Variants in LRRC9 observed in about 807,000 individuals in gnomAD.
LRRC9 encodes the protein leucine rich repeat containing 9.
LRRC9 carries 122 observed loss-of-function variants against 63.2 expected under a neutral mutation model. That is an observed-to-expected ratio of 1.93 (90% CI 1.67 to 2.24). The LOEUF (loss-of-function observed/expected upper bound fraction) is 2.24, where lower values mean the gene tolerates loss of function less well. Ranked by LOEUF, LRRC9 falls within the 30% of genes most tolerant of loss-of-function variation. The pLI is 0.00. For synonymous variants in LRRC9, 366 were observed against 213.1 expected (o/e 1.72, Z -6.25); for missense variants, 1,071 against 627.7 (o/e 1.71, Z -7.55).
rs555079705 is a variant in LRRC9, at chr14:59,958,392, C to T, written c.883-1426C>T. 4.4e-4 allele frequency among the ~76,000 whole-genome samples: 67 copies of T among 152,258 alleles called. No homozygotes were observed. In the South Asian group the frequency reaches 9.3e-3, roughly 21 times the overall value. On this transcript the variant is annotated intron_variant, in intron 8 of 31. Transcript: ENST00000445360. The surrounding 1 kb of genome is among the most constrained non-coding windows in gnomAD (Gnocchi z 4.0). ...AGTCTGACCACAGCTGCTTTGCCAC[C>T]GGGCCCAGACCTCCCAAACTCCTTA...
At chr14:59,997,957 T>C in intron 18 of LRRC9, 110 bp downstream of exon 18, 1 of 564,350 alleles carries the variant, frequency 1.8e-6, no homozygotes, top group Non-Finnish European at 3.1e-6. Context: ...ATCTTCGTTT[T>C]TCTAGACTTC....
At chr14:60,019,325 C>A in intron 26 of LRRC9, 65 bp downstream of exon 26, 1 of 609,350 alleles carries the variant, frequency 1.6e-6, no homozygotes, top group Non-Finnish European at 3.0e-6. Context: ...CAGTTAATCA[C>A]ATTAATGATA....
At chr14:59,926,227 A>T (rs1889198650) in intron 1 of LRRC9, among the ~76,000 whole-genome samples, 2 of 152,028 alleles carry the variant, frequency 1.3e-5, no homozygotes, top group Admixed American at 1.3e-4. Context: ...ATATTTAAAG[A>T]CTTCTCTCAA....
chr14:59,960,041 T>C, intron 9 of LRRC9, 27 bp downstream of exon 9: 1 of 626,244 alleles, frequency 1.6e-6, no homozygotes, highest in South Asian at 1.9e-5. Context: ...ATCTAGTTGT[T>C]CTGATCTGAA....
At chr14:59,988,493 T>G (rs1165697386) in intron 17 of LRRC9, among the ~76,000 whole-genome samples, 1 of 152,174 alleles carries the variant, frequency 6.6e-6, no homozygotes, top group African/African-American at 2.4e-5. Flanking sequence ...GAATCCTGAT[T>G]CTTAAGGATA....
intron 9 of LRRC9, 61 bp from the exon 10 acceptor site, chr14:59,960,853 A>G (rs567905674): frequency 4.0e-6 from 2 of 498,806 alleles, no homozygotes; most frequent in South Asian, 6.8e-5. Flanking sequence ...ATCTATCATA[A>G]GTTTTAATGT....
At chr14:59,985,422 A>T (rs1003163074) in intron 17 of LRRC9, among the ~76,000 whole-genome samples, 198 bp downstream of exon 17, 2 of 152,216 alleles carry the variant, frequency 1.3e-5, no homozygotes, top group Admixed American at 6.5e-5. Flanking sequence ...TGATTGTGGT[A>T]ATCATTACAC....
intron 9 of LRRC9, 78 bp from the exon 10 acceptor site, chr14:59,960,835 TA>T (rs1051180879): frequency 2.1e-5 from 10 of 484,742 alleles, no homozygotes; most frequent in African/African-American, 1.0e-4. Context: ...TAACATCAGT[TA>T]AAAAAAATCT....
intron 16 of LRRC9, among the ~76,000 whole-genome samples, chr14:59,984,316 A>C (rs946068999): frequency 2.0e-5 from 3 of 152,208 alleles, no homozygotes; most frequent in African/African-American, 7.2e-5. Flanking sequence ...TATGTCCACA[A>C]TATAAGGCAT....
intron 29 of LRRC9, among the ~76,000 whole-genome samples, chr14:60,045,051 C>CTTTTTTTTTTTTTTTTT (rs200934262): frequency 8.4e-6 from 1 of 118,916 alleles, no homozygotes; most frequent in Non-Finnish European, 1.8e-5. Flanking sequence ...CTTTCCTTGT[C>CTTTTTTTTTTTTTTTTT]TTTTTTTTTT....
rs146796213 is a variant in LRRC9 at position 59,922,109 on chromosome 14, GAAAGAAA to G, written c.-34+2235_-34+2241del. Among the ~76,000 whole-genome samples, 1,513 of 151,384 alleles carry G rather than the reference GAAAGAAA, an allele frequency of 1.0e-2. 22 individuals are homozygous for G. The highest frequency in any genetic ancestry group is 0.035 in the African/African-American group (1,430 of 41,284). Reference sequence around the variant, plus strand: ...AAAAAAAAAATAAATAAATAAATAAGAAAGAAAAAAGAAAAGAAGAAAAGCACAAAGT... The same window carrying G: ...AAAAAAAAAATAAATAAATAAATAAGAAAGAAAAGAAGAAAAGCACAAAGT... On this transcript the variant is annotated intron_variant, in intron 1 of 31. Transcript: ENST00000445360. The surrounding 1 kb of genome is among the most constrained non-coding windows in gnomAD (Gnocchi z 5.3).
chr14:59,931,861 C>T, intron 5 of LRRC9, 108 bp from the exon 6 acceptor site: 1 of 627,556 alleles, frequency 1.6e-6, no homozygotes, highest in South Asian at 1.9e-5. Context: ...ACAATGGTAC[C>T]ATTAGTCTAT....
At chr14:60,015,587 A>G (rs1445687069) in intron 23 of LRRC9, among the ~76,000 whole-genome samples, 2 of 151,930 alleles carry the variant, frequency 1.3e-5, no homozygotes, top group Non-Finnish European at 2.9e-5. Flanking sequence ...CCATTGATTT[A>G]CTCTGGCTGG....
intron 29 of LRRC9, among the ~76,000 whole-genome samples, chr14:60,041,311 G>A (rs1009865501): frequency 2.0e-5 from 3 of 152,054 alleles, no homozygotes; most frequent in Non-Finnish European, 4.4e-5. Flanking sequence ...TGCCTGCCTC[G>A]CTAGGTTGGG....
chr14:59,969,681 A>T (rs1184278453), intron 12 of LRRC9, among the ~76,000 whole-genome samples: 1 of 152,172 alleles, frequency 6.6e-6, no homozygotes, highest in Non-Finnish European at 1.5e-5. Flanking sequence ...TAGTTGGAAG[A>T]GGAAGGATCT....
chr14:60,048,936 T>A (rs1893666900), intron 29 of LRRC9, among the ~76,000 whole-genome samples: 1 of 152,170 alleles, frequency 6.6e-6, no homozygotes, highest in African/African-American at 2.4e-5. Context: ...TTATCCACCA[T>A]GATCAAGTTG....
chr14:59,943,355 C>A (rs558567776), intron 7 of LRRC9, among the ~76,000 whole-genome samples: 1 of 151,760 alleles, frequency 6.6e-6, no homozygotes, highest in South Asian at 2.1e-4. Flanking sequence ...TAGTTTCATT[C>A]TTCTGTATGT....
chr14:60,063,351 A>T (rs1212595650), exon 32 of LRRC9: 3 of 702,086 alleles, frequency 4.3e-6, no homozygotes, highest in Non-Finnish European at 7.8e-6. Context: ...TCCAAGATCA[A>T]ATCGAATGTA....
At position 60,042,609 on chromosome 14, in the gene LRRC9, T is replaced by G. The variant is rs1185183555; in HGVS notation, c.3991-10456T>G. The stretch of plus-strand genomic sequence containing the variant: ...CTAAGACCATTGGAAAAGCACAGTA[T>G]TAGGCTGAGAGTGTCCCGATTTTCC... On this transcript the variant is annotated intron_variant, in intron 29 of 31. Transcript: ENST00000445360. The surrounding 1 kb of genome is among the most constrained non-coding windows in gnomAD (Gnocchi z 4.2). Among the ~76,000 whole-genome samples, 1 of 152,188 alleles carries G rather than the reference T, an allele frequency of 6.6e-6. No homozygotes were observed. Among genetic ancestry groups the G allele is most frequent in the Non-Finnish European group, 1.5e-5 (1 of 68,026 alleles).
Sources: allele counts gnomAD v4.1 joint callset (sites outside exome capture counted in the v4.1 genomes callset), GRCh38; gene constraint gnomAD v4.1.1; non-coding constraint Gnocchi (gnomAD v3.1); transcripts MANE v1.5; gene names NCBI Gene and HGNC (gene_info 2026-07-23, HGNC 2026-07-21).